The following ZNF473 variants were observed in gnomAD, a reference collection of about 807,000 sequenced individuals.
The protein encoded by ZNF473 is zinc finger protein 473.
ZNF473 carries 4 observed loss-of-function variants against 11.1 expected under a neutral mutation model. The ratio of observed to expected loss-of-function variants is 0.36; its 90% CI spans 0.18 to 0.82. The LOEUF is 0.82. ZNF473 is among the 40% of genes least tolerant of loss of function. The probability of loss-of-function intolerance (pLI) is 0.49; values close to 1 mark genes in which losing one functional copy is unlikely to be tolerated. For synonymous variants in ZNF473, 404 were observed against 390.4 expected (o/e 1.03, Z -0.41); for missense variants, 854 against 1,084.0 (o/e 0.79, Z 2.98).
chr19:50,028,206 G>A (rs1403390355), intron 1 of ZNF473, among the ~76,000 whole-genome samples: 1 of 151,286 alleles, frequency 6.6e-6, no homozygotes, highest in Non-Finnish European at 1.5e-5. Flanking sequence ...GCTGAGGCAG[G>A]AGAATGGCAT....
intron 4 of ZNF473, chr19:50,043,310 C>G (rs1483180581): frequency 1.3e-5 from 2 of 151,368 alleles, no homozygotes; most frequent in Non-Finnish European, 2.9e-5. Flanking sequence ...TGGAGGGCAC[C>G]TGCAGTCCCA....
At position 50,039,736 on chromosome 19, in the gene ZNF473, G is replaced by C. The variant is rs1978669547; in HGVS notation, c.136+449G>C. On this transcript the variant is annotated intron_variant, in intron 3 of 4. Transcript: ENST00000270617. This position sits in a 1 kb window ranked among gnomAD's most constrained non-coding sequence, Gnocchi z 4.8. ...TCCCCTCTGCCTAAGCGGCTCTCAG[G>C]GCTTACATTTTTAAAGTTTAACCTG... is the stretch of plus-strand genomic sequence containing the variant. Among the ~76,000 whole-genome samples the C allele has an allele frequency of 6.6e-6, 1 of 152,152 alleles. No individual in the cohort carries two copies. Among genetic ancestry groups the C allele is most frequent in the African/African-American group, 2.4e-5 (1 of 41,428 alleles).
In ZNF473 at chr19:50,041,771, G is replaced by A. The variant is rs1568409021; in HGVS notation, c.178G>A (p.Glu60Lys). 1 of 1,613,172 alleles carries A rather than the reference G, an allele frequency of 6.2e-7. No individual in the cohort carries two copies. Among genetic ancestry groups the A allele is most frequent in the East Asian group, 2.2e-5 (1 of 44,698 alleles). The change falls in exon 4 of 5, where the codon GAA (glutamate) becomes AAA (lysine). Residue 60 changes from glutamate (E) to lysine (K), a missense_variant. By Grantham distance (56) the Glu-to-Lys change is moderately conservative (BLOSUM62 1). Coordinates refer to ENST00000270617, the MANE Select transcript of ZNF473 (RefSeq NM_015428.4). Reference protein sequence around the residue: ...PNLTSHPDGSEDLEPLAGGSP... With the variant: ...PNLTSHPDGSKDLEPLAGGSP... ...CCTGACCTCCCACCCAGATGGCAGT[G>A]AAGATCTGGAGCCTCTGGCAGGAGG...
rs142816546 is a variant in ZNF473 at position 50,045,376 on chromosome 19, G to A, written c.933G>A (p.Gln311=). The change falls in exon 5 of 5, where the codon CAG becomes CAA. Residue 311 remains glutamine (Q), a synonymous_variant. Coordinates refer to ENST00000270617, the MANE Select transcript of ZNF473 (RefSeq NM_015428.4). Reference sequence around the variant, plus strand: ...ATGACACACAGCCTGGTGAGCATCAGAAAACTCACACAGATAGTAAGTCCT... The same window carrying A: ...ATGACACACAGCCTGGTGAGCATCAAAAAACTCACACAGATAGTAAGTCCT... ...PSHDTQPGEH[Q]KTHTDSKSYN... is the part of the protein sequence containing the mutation. 5.0e-6 allele frequency: 8 copies of A among 1,614,040 alleles called. No individual in the cohort carries two copies. The African/African-American group carries it at 1.1e-4, about 22-fold the overall frequency.
intron 2 of ZNF473, among the ~76,000 whole-genome samples, chr19:50,037,892 C>A (rs983120959): frequency 6.6e-6 from 1 of 151,726 alleles, no homozygotes; most frequent in African/African-American, 2.4e-5. Context: ...CCATAACTTA[C>A]AAACGACAGA....
chr19:50,026,511 A>G (rs1207874671), intron 1 of ZNF473, among the ~76,000 whole-genome samples: 1 of 148,950 alleles, frequency 6.7e-6, no homozygotes, highest in Non-Finnish European at 1.5e-5. Context: ...AGATCGCGCC[A>G]TTGCACTCCA....
At chr19:50,037,979 C>A (rs1056550399) in intron 2 of ZNF473, among the ~76,000 whole-genome samples, 1 of 149,770 alleles carries the variant, frequency 6.7e-6, no homozygotes, top group East Asian at 1.9e-4. Flanking sequence ...CCTATACGAA[C>A]TCTACCGCTG....
intron 2 of ZNF473, among the ~76,000 whole-genome samples, chr19:50,038,884 G>A (rs1978616170): frequency 6.6e-6 from 1 of 152,212 alleles, no homozygotes; most frequent in Non-Finnish European, 1.5e-5. Flanking sequence ...AAGCAAAAGC[G>A]TAAAATAGAT....
chr19:50,034,797 C>T (rs1373063893), intron 2 of ZNF473, among the ~76,000 whole-genome samples: 1 of 152,156 alleles, frequency 6.6e-6, no homozygotes, highest in Non-Finnish European at 1.5e-5. Flanking sequence ...CCTTGTGGTG[C>T]AGTTGAGTTT....
intron 2 of ZNF473, among the ~76,000 whole-genome samples, chr19:50,034,787 C>T (rs548186097): frequency 1.1e-4 from 16 of 152,172 alleles, no homozygotes; most frequent in Admixed American, 4.6e-4. Flanking sequence ...CTGGTTCCAT[C>T]CTTGTGGTGC....
chr19:50,028,225 G>A (rs2122793324), intron 1 of ZNF473, among the ~76,000 whole-genome samples: 1 of 151,394 alleles, frequency 6.6e-6, no homozygotes. Context: ...ATGAGCCCGG[G>A]AGGCAGAGCT....
rs1252326124 is a variant in ZNF473 at position 50,045,460 on chromosome 19, G to A, written c.1017G>A (p.Gln339=). The change falls in exon 5 of 5, where the codon CAG becomes CAA. Residue 339 remains glutamine, a synonymous_variant. Transcript: ENST00000270617. The stretch of plus-strand genomic sequence containing the variant: ...GGATCTTCCACCTTACTCGGCACCA[G>A]AAGATCCACACTCGGAAACGCTATG... The part of the protein sequence containing the change: ...FTRIFHLTRH[Q]KIHTRKRYEC... 1.2e-6 allele frequency: 2 copies of A among 1,613,424 alleles called. No individual in the cohort carries two copies. Among genetic ancestry groups the A allele is most frequent in the South Asian group, 2.2e-5 (2 of 91,046 alleles).
intron 2 of ZNF473, among the ~76,000 whole-genome samples, chr19:50,032,597 T>C (rs1369233806): frequency 6.6e-6 from 1 of 152,180 alleles, no homozygotes; most frequent in Non-Finnish European, 1.5e-5. Flanking sequence ...AGGTGGTTCC[T>C]GCCCTCATGA....
At chr19:50,031,953 G>A (rs1009777829) in intron 2 of ZNF473, among the ~76,000 whole-genome samples, 3 of 151,716 alleles carry the variant, frequency 2.0e-5, no homozygotes, top group Admixed American at 1.3e-4. Flanking sequence ...CACAGTCCCC[G>A]ATACCTCCCT....
intron 1 of ZNF473, among the ~76,000 whole-genome samples, chr19:50,028,515 A>AG (rs1555858519): frequency 6.8e-6 from 1 of 146,442 alleles, no homozygotes; most frequent in African/African-American, 2.5e-5. Context: ...CTCATTTTTA[A>AG]TTTTTTTTTT....
chr19:50,041,581 A>G, intron 3 of ZNF473, 149 bp from the exon 4 acceptor site: 1 of 555,838 alleles, frequency 1.8e-6, no homozygotes, highest in East Asian at 3.4e-5. Context: ...AGGCATCCCC[A>G]GAGTCGCCCA....
At chr19:50,027,377 C>T (rs968960293) in intron 1 of ZNF473, among the ~76,000 whole-genome samples, 2 of 152,064 alleles carry the variant, frequency 1.3e-5, no homozygotes, top group African/African-American at 4.8e-5. Flanking sequence ...CCATTTGGTA[C>T]ATGTGGAAAC....
In ZNF473 at chr19:50,026,382, C is replaced by T. The variant is rs538748218; in HGVS notation, c.-192+260C>T. ...GCCAGGAGTTCCTCGAACCCCCAGT[C>T]TCTACTAAAAATACAAAAATTAGTT... On this transcript the variant is annotated intron_variant, in intron 1 of 4. Coordinates refer to ENST00000270617, the MANE Select transcript of ZNF473 (RefSeq NM_015428.4). Among the ~76,000 whole-genome samples, 31 of 152,154 alleles carry T rather than the reference C, an allele frequency of 2.0e-4. 1 individual carries two copies. The South Asian group carries it at 6.4e-3, about 32-fold the overall frequency.
chr19:50,046,456 G>C lies in ZNF473; in HGVS notation c.2013G>C (p.Glu671Asp). Residue 671 changes from glutamate (E) to aspartate (D), a missense_variant, in exon 5 of 5, where the codon GAG becomes GAC. Physicochemically the swap from Glu to Asp is conservative, Grantham distance 45. Transcript: ENST00000270617. This position sits in a 1 kb window ranked among gnomAD's most constrained non-coding sequence, Gnocchi z 5.9. ...LSKHQLIHAG[E>D]NPFKCSKCDR... ...AACATCAGTTAATTCACGCTGGAGA[G>C]AATCCCTTTAAATGTAGTAAGTGTG... 6.2e-7 allele frequency: 1 copy of C among 1,614,240 alleles called. No individual in the cohort carries two copies. Among genetic ancestry groups the C allele is most frequent in the Non-Finnish European group, 8.5e-7 (1 of 1,180,046 alleles).
Sources: gnomAD v4.1 joint callset for allele counts (sites outside exome capture counted in the v4.1 genomes callset) on GRCh38, gnomAD v4.1.1 for gene constraint, Gnocchi (gnomAD v3.1) non-coding constraint, MANE v1.5 for transcripts, NCBI Gene and HGNC (gene_info 2026-07-23, HGNC 2026-07-21) for gene names.